The following DYNC2I1 variants were observed in gnomAD, a reference collection of about 807,000 sequenced individuals.
DYNC2I1 encodes cytoplasmic dynein 2 intermediate chain 1.
In DYNC2I1, 89 loss-of-function variants were observed where a neutral mutation model predicts 133.4. The ratio of observed to expected loss-of-function variants is 0.67; its 90% CI spans 0.56 to 0.80. The LOEUF is 0.80. Among genes scored for constraint, DYNC2I1 ranks in the 30% least tolerant of loss-of-function variants. The pLI is 0.00. For missense variants in DYNC2I1, 1,291 were observed against 1,314.5 expected (o/e 0.98, Z 0.28); for synonymous variants, 504 against 484.3 (o/e 1.04, Z -0.54).
rs1241150509 is a variant in DYNC2I1 at position 158,902,396 on chromosome 7, G to A, written c.1158G>A (p.Glu386=). 2 of 1,613,116 alleles carry A rather than the reference G, an allele frequency of 1.2e-6. No individual in the cohort carries two copies. Among genetic ancestry groups the A allele is most frequent in the Non-Finnish European group, 1.7e-6 (2 of 1,179,852 alleles). Residue 386 remains glutamate (E), a synonymous_variant, in exon 10 of 25, where the codon GAG becomes GAA. Coordinates refer to ENST00000407559, the MANE Select transcript of DYNC2I1 (RefSeq NM_018051.5). ...TGCAGGACTATGAAGATGACTTTGA[G>A]GTTTGTGATGGTGATGATGATGAAA... ...DDFEDYEDDF[E]VCDGDDDESS... is the part of the protein sequence containing the mutation.
intron 7 of DYNC2I1, among the ~76,000 whole-genome samples, chr7:158,890,173 A>C (rs1845062051): frequency 1.3e-5 from 2 of 152,176 alleles, no homozygotes; most frequent in African/African-American, 4.8e-5. Flanking sequence ...TCTTATAGTC[A>C]CATTAAAAAC....
At chr7:158,884,233 C>T (rs552688086) in intron 5 of DYNC2I1, among the ~76,000 whole-genome samples, 4 of 151,728 alleles carry the variant, frequency 2.6e-5, no homozygotes, top group Non-Finnish European at 4.4e-5. Context: ...TTAGTAGAGA[C>T]GGGGTTTCTC....
At chr7:158,841,340 T>A in the DYNC2I1 span, among the ~76,000 whole-genome samples, 1 of 151,254 alleles carries the variant, frequency 6.6e-6, no homozygotes, top group African/African-American at 2.4e-5. Flanking sequence ...GCCTCCTGAG[T>A]AGCTGGGATT....
intron 8 of DYNC2I1, among the ~76,000 whole-genome samples, chr7:158,901,381 T>G (rs1194389937): frequency 6.6e-6 from 1 of 152,242 alleles, no homozygotes; most frequent in Non-Finnish European, 1.5e-5. Context: ...ACAGCTACAC[T>G]GTCTTTAATG....
intron 11 of DYNC2I1, 103 bp downstream of exon 11, chr7:158,906,194 G>GT (rs928010292): frequency 5.1e-6 from 5 of 973,386 alleles, no homozygotes; most frequent in South Asian, 1.6e-5. Context: ...TTTTACTACT[G>GT]TTTTTTGGGG....
At chr7:158,868,742 GTCCACAGGTGTCGTTTCTGT>G (rs1222219603) in intron 1 of DYNC2I1, among the ~76,000 whole-genome samples, 3 of 152,244 alleles carry the variant, frequency 2.0e-5, no homozygotes, top group African/African-American at 7.2e-5. Flanking sequence ...TGAGCATTCA[GTCCACAGGTGTCGTTTCTGT>G]TCCTGATTTG....
At chr7:158,922,269 T>G in intron 15 of DYNC2I1, 108 bp from the exon 16 acceptor site, 1 of 1,121,546 alleles carries the variant, frequency 8.9e-7, no homozygotes, top group Non-Finnish European at 1.3e-6. Context: ...AGGACCACGT[T>G]TGTTTCTTCA....
At position 158,901,942 on chromosome 7, in the gene DYNC2I1, G is replaced by A. The variant is rs535665697; in HGVS notation, c.1137+126G>A. ...ATCCTAATACTCAATATCTGGCTAGGTTGATTTAGGTCAAGCTGTTACCTG... is the reference window on the plus strand; with the variant it reads ...ATCCTAATACTCAATATCTGGCTAGATTGATTTAGGTCAAGCTGTTACCTG... On this transcript the variant is annotated intron_variant, in intron 9 of 24. Transcript: ENST00000407559. 1.7e-5 allele frequency: 12 copies of A among 711,190 alleles called. No individual in the cohort carries two copies. The South Asian group carries it at 2.0e-4, about 12-fold the overall frequency. 44.1% of individuals were successfully genotyped at this position (711,190 alleles called of 1,614,324 possible).
chr7:158,926,615 G>A (rs554662846), intron 19 of DYNC2I1, among the ~76,000 whole-genome samples, 152 bp downstream of exon 19: 3 of 152,332 alleles, frequency 2.0e-5, no homozygotes, highest in South Asian at 4.1e-4. Context: ...CAGAAGGGAT[G>A]CAGAAGGCCA....
chr7:158,928,296 T>C (rs929243904), intron 20 of DYNC2I1, among the ~76,000 whole-genome samples: 12 of 152,334 alleles, frequency 7.9e-5, no homozygotes, highest in African/African-American at 2.2e-4. Context: ...TCTCACCTCA[T>C]TGGCCTCCCA....
chr7:158,898,418 C>T (rs1440731162), intron 8 of DYNC2I1, among the ~76,000 whole-genome samples: 1 of 152,190 alleles, frequency 6.6e-6, no homozygotes, highest in Non-Finnish European at 1.5e-5. Flanking sequence ...TTGACCCTCA[C>T]ACATATTAAG....
At chr7:158,914,092 G>T in intron 13 of DYNC2I1, 141 bp from the exon 14 acceptor site, 1 of 612,052 alleles carries the variant, frequency 1.6e-6, no homozygotes. Context: ...TAAATCTAGA[G>T]AGTATAGCTT....
intron 11 of DYNC2I1, among the ~76,000 whole-genome samples, chr7:158,907,526 G>A (rs1020894146): frequency 1.3e-5 from 2 of 151,942 alleles, no homozygotes; most frequent in Admixed American, 1.3e-4. Context: ...GGGGGTCATT[G>A]GTTGCCTTCC....
At chr7:158,897,763 T>C (rs1845887602) in intron 8 of DYNC2I1, among the ~76,000 whole-genome samples, 1 of 152,186 alleles carries the variant, frequency 6.6e-6, no homozygotes, top group African/African-American at 2.4e-5. Flanking sequence ...CTAATTATTA[T>C]TATTTCTTTT....
chr7:158,947,189 G>C (rs185133611), downstream of DYNC2I1, among the ~76,000 whole-genome samples: 14 of 152,274 alleles, frequency 9.2e-5, 1 homozygote, highest in Admixed American at 9.2e-4. Flanking sequence ...CAGTCACGTG[G>C]GGAAGGAAGT....
chr7:158,928,180 A>G (rs1222418611), intron 20 of DYNC2I1, among the ~76,000 whole-genome samples: 8 of 152,156 alleles, frequency 5.3e-5, no homozygotes, highest in African/African-American at 1.7e-4. Context: ...TCTTGATGCT[A>G]TGGAGTACGA....
Position 158,879,966 on chromosome 7 carries a change from G to A in DYNC2I1, c.856G>A (p.Glu286Lys), listed in dbSNP as rs762771323. Residue 286 changes from glutamate (E) to lysine (K), a missense_variant, in exon 5 of 25, where the codon GAG becomes AAG. Coordinates refer to ENST00000407559, the MANE Select transcript of DYNC2I1 (RefSeq NM_018051.5). ...VDRKEKSAKD[E>K]PRKRESQNGE... ...TAGAAAAGAGAAATCGGCAAAAGAT[G>A]AGCCCAGGAAAAGGGAATCCCAGGT... 2.4e-5 allele frequency: 39 copies of A among 1,601,040 alleles called. No homozygotes were observed. In the Admixed American group the frequency reaches 3.2e-4, roughly 13 times the overall value.
chr7:158,926,527 G>A (rs375840895), intron 19 of DYNC2I1, 64 bp downstream of exon 19: 28 of 1,553,992 alleles, frequency 1.8e-5, no homozygotes, highest in Admixed American at 5.5e-5. Flanking sequence ...TGGAGGTGGC[G>A]CCTGAATGGC....
intron 8 of DYNC2I1, among the ~76,000 whole-genome samples, chr7:158,897,188 T>G (rs1196233714): frequency 6.6e-6 from 1 of 151,992 alleles, no homozygotes; most frequent in Non-Finnish European, 1.5e-5. Flanking sequence ...TTCAGCATGT[T>G]GGCCAGGCTA....
Sources: gnomAD v4.1 joint callset for allele counts (sites outside exome capture counted in the v4.1 genomes callset) on GRCh38, gnomAD v4.1.1 for gene constraint, MANE v1.5 for transcripts, NCBI Gene and HGNC (gene_info 2026-07-23, HGNC 2026-07-21) for gene names.